PPEF1: variants seen among roughly 807,000 people sequenced by gnomAD.
The protein encoded by PPEF1 is serine/threonine-protein phosphatase with EF-hands 1.
Under a neutral mutation model 53.3 loss-of-function variants are expected in PPEF1, and 12 were observed. That is an observed-to-expected ratio of 0.23 (90% CI 0.14 to 0.36). The LOEUF (loss-of-function observed/expected upper bound fraction) is 0.36, where lower values mean the gene tolerates loss of function less well. Among genes scored for constraint, PPEF1 ranks in the 10% least tolerant of loss-of-function variants. PPEF1 has a pLI of 1.00. For synonymous variants in PPEF1, 165 were observed against 176.7 expected, an observed-to-expected ratio of 0.93 and a Z score of 0.52; for missense variants, 334 against 490.4, an observed-to-expected ratio of 0.68 and a Z score of 3.01.
intron 3 of PPEF1, among the ~76,000 whole-genome samples, chrX:18,744,859 T>A (rs767608869): frequency 1.0e-4 from 11 of 107,320 alleles, no homozygotes; most frequent in Non-Finnish European, 1.9e-4. Flanking sequence ...TTTCATTTAG[T>A]CTTCATGACA....
intron 1 of PPEF1, among the ~76,000 whole-genome samples, chrX:18,726,171 T>C (rs1258403208): frequency 9.1e-6 from 1 of 110,065 alleles, no homozygotes; most frequent in African/African-American, 3.3e-5. Context: ...CTGGCCAATA[T>C]GGTGAAACCT....
chrX:18,767,596 A>G (rs1287180082), intron 6 of PPEF1, among the ~76,000 whole-genome samples: 1 of 112,483 alleles, frequency 8.9e-6, no homozygotes, highest in Non-Finnish European at 1.9e-5. Flanking sequence ...AAAAACTTCC[A>G]GCCAAAATGG....
At chrX:18,758,566 C>A (rs998970893) in intron 5 of PPEF1, among the ~76,000 whole-genome samples, 2 of 111,622 alleles carry the variant, frequency 1.8e-5, no homozygotes, top group African/African-American at 6.5e-5. Context: ...TCATCACATG[C>A]CCTGACTCAG....
intron 3 of PPEF1, among the ~76,000 whole-genome samples, chrX:18,735,013 A>G (rs2044939174): frequency 8.9e-6 from 1 of 112,055 alleles, no homozygotes; most frequent in Admixed American, 9.5e-5. Flanking sequence ...AGTTCTTTGT[A>G]GATTCTGGAT....
At chrX:18,731,127 G>GA (rs1195494892) in intron 2 of PPEF1, among the ~76,000 whole-genome samples, 1 of 112,273 alleles carries the variant, frequency 8.9e-6, no homozygotes, top group African/African-American at 3.2e-5. Context: ...AGTTGCTAAT[G>GA]AAAAAATCAA....
intron 11 of PPEF1, among the ~76,000 whole-genome samples, chrX:18,805,842 A>T (rs1428570315): frequency 2.6e-4 from 4 of 15,340 alleles, no homozygotes; most frequent in African/African-American, 1.3e-3. Context: ...ACTCCATCTT[A>T]AAAAAAAAAA....
chrX:18,768,278 T>C (rs1170592328), intron 6 of PPEF1, among the ~76,000 whole-genome samples: 5 of 112,558 alleles, frequency 4.4e-5, no homozygotes, highest in African/African-American at 1.6e-4. Flanking sequence ...TAACTGATTC[T>C]CTCCATCACT....
chrX:18,776,112 C>T (rs2147565483), intron 6 of PPEF1, among the ~76,000 whole-genome samples: 1 of 112,616 alleles, frequency 8.9e-6, no homozygotes, highest in Non-Finnish European at 1.9e-5. Flanking sequence ...TAGCCTTCAA[C>T]AGTCCTCAGG....
At chrX:18,756,820 C>G (rs767089426) in intron 4 of PPEF1, among the ~76,000 whole-genome samples, 2 of 111,975 alleles carry the variant, frequency 1.8e-5, no homozygotes, top group South Asian at 7.4e-4. Context: ...GAAAACTTCC[C>G]CTTTAGACAA....
At chrX:18,701,027 G>C (rs890420841) in intron 6 of PPEF1, among the ~76,000 whole-genome samples, 2 of 112,118 alleles carry the variant, frequency 1.8e-5, no homozygotes, top group African/African-American at 6.5e-5. Context: ...CCACTAATCA[G>C]CTACGCCAGG....
At chrX:18,704,229 A>T (rs906997525), upstream of PPEF1, among the ~76,000 whole-genome samples, 2 of 111,415 alleles carry the variant, frequency 1.8e-5, no homozygotes, top group Non-Finnish European at 3.8e-5. Flanking sequence ...CCCAGCCCCA[A>T]TTCTTATGTC....
chrX:18,743,394 C>G (rs895185259), intron 3 of PPEF1, among the ~76,000 whole-genome samples: 4 of 108,497 alleles, frequency 3.7e-5, no homozygotes, highest in Non-Finnish European at 7.6e-5. Flanking sequence ...ATTTGCATTT[C>G]CCTTTGAGCA....
At chrX:18,818,810 C>T (rs1380344970) in intron 13 of PPEF1, among the ~76,000 whole-genome samples, 1 of 111,927 alleles carries the variant, frequency 8.9e-6, no homozygotes, top group Non-Finnish European at 1.9e-5. Context: ...CTTCACTTTC[C>T]GTGAAAGATG....
intron 13 of PPEF1, among the ~76,000 whole-genome samples, chrX:18,820,511 G>A (rs1025107203): frequency 9.2e-5 from 10 of 109,154 alleles, no homozygotes; most frequent in Admixed American, 2.0e-4. Context: ...TCAGCCTCCC[G>A]AGTAGCTGGG....
upstream of PPEF1, among the ~76,000 whole-genome samples, chrX:18,678,133 A>G (rs1245429330): frequency 6.8e-5 from 7 of 102,585 alleles, no homozygotes; most frequent in Admixed American, 3.7e-4. Context: ...CCTGGCAAAA[A>G]AAAAAAAAAA....
At chrX:18,688,327 G>A (rs1316796370) in intron 3 of PPEF1, among the ~76,000 whole-genome samples, 1 of 112,075 alleles carries the variant, frequency 8.9e-6, no homozygotes, top group African/African-American at 3.2e-5. Flanking sequence ...AAGTAATGGA[G>A]GCCTGGAAAG....
At chrX:18,724,892 C>A (rs948789626) in intron 1 of PPEF1, among the ~76,000 whole-genome samples, 4 of 110,681 alleles carry the variant, frequency 3.6e-5, no homozygotes, top group African/African-American at 1.3e-4. Context: ...CTAGTGCTGT[C>A]CTGTGGTGGA....
intron 3 of PPEF1, among the ~76,000 whole-genome samples, chrX:18,735,199 G>T (rs774726737): frequency 0.017 from 1,895 of 111,418 alleles, 49 homozygotes; most frequent in African/African-American, 0.059. Flanking sequence ...TGAAGTCCTT[G>T]CCCATGCCTG....
rs1327243921 is a variant in PPEF1, at chrX:18,753,341, T to C, written c.396+3389T>C. 5.4e-5 allele frequency among the ~76,000 whole-genome samples: 6 copies of C among 112,056 alleles called. No individual in the cohort carries two copies. In the Admixed American group the frequency reaches 5.7e-4, roughly 11 times the overall value. On this transcript the variant is annotated intron_variant, in intron 4 of 15. Coordinates refer to ENST00000470157, the MANE Select transcript of PPEF1 (RefSeq NM_001377996.1). ...TTTATTTCTTTAAGGTTGATGGTAA[T>C]GTCCCCACTTTAGTTTCTGATTTTA...
Sources: gnomAD v4.1 joint callset for allele counts (sites outside exome capture counted in the v4.1 genomes callset) on GRCh38, gnomAD v4.1.1 for gene constraint, MANE v1.5 for transcripts, NCBI Gene and HGNC (gene_info 2026-07-23, HGNC 2026-07-21) for gene names.